Variants in DACT1 observed in about 807,000 individuals in gnomAD.
DACT1 encodes the protein dapper homolog 1.
In DACT1, 19 loss-of-function variants were observed where a neutral mutation model predicts 35.3. The observed-to-expected ratio is 0.54, with a 90% CI of 0.38 to 0.79. The LOEUF (loss-of-function observed/expected upper bound fraction) is 0.79. DACT1 is among the 30% of genes least tolerant of loss of function. The pLI is 0.00. For missense variants in DACT1, 1,143 were observed against 1,057.5 expected (o/e 1.08, Z -1.12); for synonymous variants, 545 against 466.7 (o/e 1.17, Z -2.16).
In DACT1 at chr14:58,645,437, C is replaced by T. The variant is rs749088464; in HGVS notation, c.703C>T (p.Pro235Ser). 1 of 1,614,106 alleles carries T rather than the reference C, an allele frequency of 6.2e-7. No individual in the cohort carries two copies. Among genetic ancestry groups the T allele is most frequent in the African/African-American group, 1.3e-5 (1 of 74,934 alleles). ...GAATGATGTATATCGCTATCCCAGT[C>T]CACTTCATGCTGTGGCTGTGCAGAG... ...NGNDVYRYPS[P>S]LHAVAVQSPM... The change falls in exon 4 of 4, where the codon CCA becomes TCA. Residue 235 changes from proline (P) to serine (S), a missense_variant. By Grantham distance (74) the Pro-to-Ser change is moderately conservative. Coordinates refer to ENST00000395153, the MANE Select transcript of DACT1 (RefSeq NM_001079520.2).
upstream of DACT1, among the ~76,000 whole-genome samples, chr14:58,637,666 C>G (rs1240182112): frequency 6.6e-6 from 1 of 152,178 alleles, no homozygotes; most frequent in African/African-American, 2.4e-5. Context: ...GGCGCTCGCC[C>G]CGAGCTTTGG....
At position 58,645,237 on chromosome 14, in the gene DACT1, G is replaced by A. The variant is rs45521236; in HGVS notation, c.635-132G>A. The A allele has an allele frequency of 6.0e-3, 9,630 of 1,594,092 alleles. 67 individuals are homozygous for A. Among genetic ancestry groups the A allele is most frequent in the Non-Finnish European group, 6.3e-3 (7,307 of 1,163,300 alleles). ...GCTGACCAATTCATTTCTTCAGAGTGTACCTTTAACTGTTTTTCAGATCTC... is the reference window on the plus strand; with the variant it reads ...GCTGACCAATTCATTTCTTCAGAGTATACCTTTAACTGTTTTTCAGATCTC... On this transcript the variant is annotated intron_variant, in intron 3 of 3. Transcript: ENST00000395153.
In DACT1 at chr14:58,645,960, A is replaced by G. The variant is rs781572728; in HGVS notation, c.1226A>G (p.Asp409Gly). 1.2e-6 allele frequency: 2 copies of G among 1,613,772 alleles called. No homozygotes were observed. Among genetic ancestry groups the G allele is most frequent in the Non-Finnish European group, 1.7e-6 (2 of 1,179,996 alleles). The part of the protein sequence containing the change: ...PEGCPSGAAS[D>G]LQSKHLPKTA... ...GGCTGCCCCTCAGGCGCTGCCTCCG[A>G]CCTTCAGAGTAAGCACCTGCCAAAA... The change falls in exon 4 of 4, where the codon GAC (aspartate) becomes GGC (glycine). Residue 409 changes from aspartate (D) to glycine (G), a missense_variant. Asp to Gly is a moderately conservative substitution (Grantham distance 94). Around this residue, in one of 3 missense-constraint regions of DACT1, gnomAD observed 1,054 missense variants for 958.8 expected, o/e 1.10. Coordinates refer to ENST00000395153, the MANE Select transcript of DACT1 (RefSeq NM_001079520.2).
Position 58,646,834 on chromosome 14 carries a change from C to A in DACT1, c.2100C>A (p.Thr700=), listed in dbSNP as rs746744825. ...AGTGCGAGTCCCTGTTCCACTCCAC[C>A]GTGGTGGACACCAGTGAGGACGAGC... The part of the protein sequence containing the change: ...SAECESLFHS[T]VVDTSEDEQS... Residue 700 remains threonine (T), a synonymous_variant, in exon 4 of 4, where the codon ACC becomes ACA. Coordinates refer to ENST00000395153, the MANE Select transcript of DACT1 (RefSeq NM_001079520.2). 1.9e-6 allele frequency: 3 copies of A among 1,614,122 alleles called. No homozygotes were observed. The highest frequency in any genetic ancestry group is 2.5e-6 in the Non-Finnish European group (3 of 1,180,002).
upstream of DACT1, among the ~76,000 whole-genome samples, chr14:58,634,587 C>G (rs1011806648): frequency 1.3e-4 from 20 of 152,204 alleles, no homozygotes; most frequent in Non-Finnish European, 2.8e-4. Flanking sequence ...GGTCATCTCT[C>G]CAGCTCAAAG....
Position 58,646,818 on chromosome 14 carries a change from C to G in DACT1, c.2084C>G (p.Ser695Cys). The change falls in exon 4 of 4, where the codon TCC becomes TGC. Residue 695 changes from serine to cysteine, a missense_variant. Ser to Cys is a moderately radical substitution (Grantham distance 112). This residue lies in a region of DACT1 where 1,054 missense variants were observed against 958.8 expected (regional missense o/e 1.10). Coordinates refer to ENST00000395153, the MANE Select transcript of DACT1 (RefSeq NM_001079520.2). ...TCCGAGTACTCGGCCGAGTGCGAGTCCCTGTTCCACTCCACCGTGGTGGAC... is the reference window on the plus strand; with the variant it reads ...TCCGAGTACTCGGCCGAGTGCGAGTGCCTGTTCCACTCCACCGTGGTGGAC... ...SDSEYSAECESLFHSTVVDTS... is the reference protein window; with the variant it reads ...SDSEYSAECECLFHSTVVDTS... 6.2e-7 allele frequency: 1 copy of G among 1,614,194 alleles called. No individual in the cohort carries two copies. Among genetic ancestry groups the G allele is most frequent in the East Asian group, 2.2e-5 (1 of 44,870 alleles).
rs138743125 is a variant in DACT1 at position 58,640,586 on chromosome 14, A to G, written c.346-150A>G. On this transcript the variant is annotated intron_variant, in intron 1 of 3. Transcript: ENST00000395153. ...ATAGGACATATTCTTGAATTCTCGA[A>G]GTTTTTCGTTACTTCAGGTCATCCA... 1.2e-5 allele frequency: 9 copies of G among 754,282 alleles called. No homozygotes were observed. In the East Asian group the frequency reaches 2.3e-4, roughly 19 times the overall value. The allele number at this position is 754,282 out of a possible 1,614,324, so 46.7% of individuals were successfully genotyped here. A position where few individuals can be genotyped will look rare whatever the true frequency, so the allele number is the denominator to read the frequency against.
upstream of DACT1, among the ~76,000 whole-genome samples, chr14:58,636,308 GA>G (rs1038732241): frequency 3.9e-5 from 6 of 152,246 alleles, no homozygotes; most frequent in South Asian, 8.3e-4. Context: ...GTATGCTAAT[GA>G]AAAAACAATT....
chr14:58,646,415 T>C lies in DACT1; in HGVS notation c.1681T>C (p.Leu561=). The part of the protein sequence containing the change: ...GPALQGLENG[L]PTVREKTRAG... ...AGCCCTCCAGGGGCTGGAGAACGGC[T>C]TGCCCACCGTCAGGGAGAAAACGCG... Residue 561 remains leucine, a synonymous_variant, in exon 4 of 4, where the codon TTG becomes CTG. Transcript: ENST00000395153. 1 of 1,599,820 alleles carries C rather than the reference T, an allele frequency of 6.3e-7. No homozygotes were observed. The highest frequency in any genetic ancestry group is 8.5e-7 in the Non-Finnish European group (1 of 1,175,962).
chr14:58,644,283 C>CT (rs2047653008), intron 3 of DACT1, among the ~76,000 whole-genome samples: 1 of 152,140 alleles, frequency 6.6e-6, no homozygotes, highest in Non-Finnish European at 1.5e-5. Context: ...ACCAAGAATT[C>CT]TTTATCCTAT....
Position 58,647,030 on chromosome 14 carries a change from A to T in DACT1, c.2296A>T (p.Asn766Tyr), listed in dbSNP as rs201575789. 2 of 1,614,188 alleles carry T rather than the reference A, an allele frequency of 1.2e-6. No individual in the cohort carries two copies. The highest frequency in any genetic ancestry group is 2.7e-5 in the African/African-American group (2 of 75,038). ...IQTVTAPDLH[N>Y]HPAKTFVKIK... ...AACGGTAACGGCCCCAGACCTTCAC[A>T]ACCACCCCGCAAAAACCTTTGTCAA... The change falls in exon 4 of 4, where the codon AAC becomes TAC. Residue 766 changes from asparagine to tyrosine, a missense_variant. Asn to Tyr is a moderately radical substitution (Grantham distance 143). Coordinates refer to ENST00000395153, the MANE Select transcript of DACT1 (RefSeq NM_001079520.2).
chr14:58,646,640 C>G lies in DACT1; in HGVS notation c.1906C>G (p.Arg636Gly), dbSNP rs752140035. Residue 636 changes from arginine (R) to glycine (G), a missense_variant, in exon 4 of 4, where the codon CGA becomes GGA. Arg to Gly is a moderately radical substitution (Grantham distance 125). Around this residue, in one of 3 missense-constraint regions of DACT1, gnomAD observed 1,054 missense variants for 958.8 expected, o/e 1.10. Coordinates refer to ENST00000395153, the MANE Select transcript of DACT1 (RefSeq NM_001079520.2). ...GGTGGTGGCCAAACCTAAGCACAAG[C>G]GAACTGACTACCGGCGGTGGAAGTC... ...EAVVAKPKHKRTDYRRWKSSA... is the reference protein window; with the variant it reads ...EAVVAKPKHKGTDYRRWKSSA... The G allele has an allele frequency of 1.9e-6, 3 of 1,611,836 alleles. No individual in the cohort carries two copies. In the South Asian group the frequency reaches 3.3e-5, roughly 18 times the overall value.
chr14:58,637,770 AGGCGGGGAGG>A (rs1331493773), upstream of DACT1, among the ~76,000 whole-genome samples: 1 of 62,006 alleles, frequency 1.6e-5, no homozygotes, highest in Non-Finnish European at 3.8e-5. Flanking sequence ...GCGGGGGAGG[AGGCGGGGAGG>A]GGCGAGGAGG....
rs772749657 is a variant in DACT1, at chr14:58,646,846, C to G, written c.2112C>G (p.Thr704=). Residue 704 remains threonine, a synonymous_variant, in exon 4 of 4, where the codon ACC becomes ACG. Transcript: ENST00000395153. ...ESLFHSTVVD[T]SEDEQSNYTT... is the part of the protein sequence containing the mutation. ...TGTTCCACTCCACCGTGGTGGACAC[C>G]AGTGAGGACGAGCAGAGCAATTACA... 1.2e-6 allele frequency: 2 copies of G among 1,614,052 alleles called. No homozygotes were observed. The highest frequency in any genetic ancestry group is 1.7e-6 in the Non-Finnish European group (2 of 1,180,038).
intron 3 of DACT1, among the ~76,000 whole-genome samples, chr14:58,644,786 T>C (rs2140217371): frequency 6.6e-6 from 1 of 152,284 alleles, no homozygotes; most frequent in African/African-American, 2.4e-5. Flanking sequence ...TCAAAAAATG[T>C]TTCCCAGTTG....
upstream of DACT1, among the ~76,000 whole-genome samples, chr14:58,637,435 C>A (rs1241430767): frequency 6.6e-6 from 1 of 152,264 alleles, no homozygotes. Flanking sequence ...GTTAAGGAAC[C>A]AACCCCACAG....
Position 58,640,830 on chromosome 14 carries a change from C to A in DACT1, c.440C>A (p.Ser147Tyr). The A allele has an allele frequency of 6.2e-7, 1 of 1,614,146 alleles. No individual in the cohort carries two copies. Among genetic ancestry groups the A allele is most frequent in the South Asian group, 1.1e-5 (1 of 91,084 alleles). ...SDLRLDVEKT[S>Y]EEHLETDSRP... The stretch of plus-strand genomic sequence containing the variant: ...CTGAGACTGGATGTAGAAAAGACAT[C>A]TGAAGAGCACCTGGAGACAGACAGT... The change falls in exon 2 of 4, where the codon TCT becomes TAT. Residue 147 changes from serine to tyrosine, a missense_variant. This residue lies in a region of DACT1 where 1,054 missense variants were observed against 958.8 expected (regional missense o/e 1.10). Coordinates refer to ENST00000395153, the MANE Select transcript of DACT1 (RefSeq NM_001079520.2).
rs906996010 is a variant in DACT1, at chr14:58,638,016, C to T, written c.-187C>T. The T allele has an allele frequency of 2.6e-5, 12 of 462,310 alleles. No individual in the cohort carries two copies. The highest frequency in any genetic ancestry group is 6.8e-4 in the Middle Eastern group (1 of 1,478). The allele number at this position is 462,310 out of a possible 1,614,324, so 28.6% of individuals were successfully genotyped here. On this transcript the variant is annotated 5_prime_UTR_variant, in exon 1 of 4. Transcript: ENST00000395153. The stretch of plus-strand genomic sequence containing the variant: ...CGCGCGGCGACAGCGGACGGCGCTG[C>T]CCGGGCCGGGACAGCAGCAGCCGGC...
chr14:58,646,094 A>G lies in DACT1; in HGVS notation c.1360A>G (p.Ser454Gly). 6.2e-7 allele frequency: 1 copy of G among 1,613,062 alleles called. No homozygotes were observed. Among genetic ancestry groups the G allele is most frequent in the African/African-American group, 1.3e-5 (1 of 74,966 alleles). Residue 454 changes from serine (S) to glycine (G), a missense_variant, in exon 4 of 4, where the codon AGC becomes GGC. By Grantham distance (56) the Ser-to-Gly change is moderately conservative. This residue lies in a region of DACT1 where 1,054 missense variants were observed against 958.8 expected (regional missense o/e 1.10). Coordinates refer to ENST00000395153, the MANE Select transcript of DACT1 (RefSeq NM_001079520.2). ...LSGASPKESP[S>G]RGPAPPQENK... is the part of the protein sequence containing the mutation. ...AGGGGCCTCTCCAAAAGAGAGTCCT[A>G]GCAGAGGCCCTGCCCCGCCGCAGGA... is the stretch of plus-strand genomic sequence containing the variant.
Sources: allele counts gnomAD v4.1 joint callset (sites outside exome capture counted in the v4.1 genomes callset), GRCh38; gene constraint gnomAD v4.1.1; regional missense constraint gnomAD v4.1.1; transcripts MANE v1.5; gene names NCBI Gene and HGNC (gene_info 2026-07-23, HGNC 2026-07-21).